Variants in DLEC1 observed in about 807,000 individuals in gnomAD.
The protein encoded by DLEC1 is DLEC1 cilia and flagella associated protein.
DLEC1 carries 146 observed loss-of-function variants against 198.1 expected under a neutral mutation model. That is an observed-to-expected ratio of 0.74 (90% CI 0.64 to 0.85). The LOEUF (loss-of-function observed/expected upper bound fraction) is 0.85. Ranked by LOEUF, DLEC1 falls within the 40% of genes least tolerant of loss-of-function variation. DLEC1 has a pLI of 0.00. For synonymous variants in DLEC1, 897 were observed against 866.8 expected (o/e 1.03, Z -0.61); for missense variants, 2,233 against 2,220.0 (o/e 1.01, Z -0.12).
intron 2 of DLEC1, among the ~76,000 whole-genome samples, chr3:38,047,980 C>T (rs1480892770): frequency 1.3e-5 from 2 of 152,162 alleles, no homozygotes; most frequent in African/African-American, 2.4e-5. Flanking sequence ...GTTGGTTCCC[C>T]TAACATCTGC....
chr3:38,098,178 G>A (rs11919963), intron 18 of DLEC1, among the ~76,000 whole-genome samples: 8,290 of 152,150 alleles, frequency 0.054, 284 homozygotes, highest in Middle Eastern at 0.12. Flanking sequence ...CCTCAGAGCC[G>A]TCTGAGGCAG....
intron 6 of DLEC1, among the ~76,000 whole-genome samples, chr3:38,070,468 A>C (rs746729724): frequency 2.6e-5 from 4 of 152,198 alleles, no homozygotes; most frequent in Admixed American, 6.5e-5. Context: ...CATAAATAGT[A>C]ATTGTTATTT....
chr3:38,061,895 G>A (rs993136188), intron 3 of DLEC1, among the ~76,000 whole-genome samples: 7 of 152,184 alleles, frequency 4.6e-5, no homozygotes, highest in Non-Finnish European at 5.9e-5. Flanking sequence ...CAAGGCTGGT[G>A]TCAACTCCTG....
intron 11 of DLEC1, 62 bp downstream of exon 11, chr3:38,092,942 T>G (rs372245005): frequency 1.1e-5 from 17 of 1,504,908 alleles, no homozygotes; most frequent in Non-Finnish European, 1.5e-5. Context: ...CAGGGGCCAC[T>G]GACCACAGTA....
In DLEC1 at chr3:38,085,328, T is replaced by G; in HGVS notation, c.1316T>G (p.Ile439Ser). The change falls in exon 8 of 37, where the codon ATT becomes AGT. Residue 439 changes from isoleucine to serine, a missense_variant. Coordinates refer to ENST00000308059, the MANE Select transcript of DLEC1 (RefSeq NM_007335.4). ...GCTCCTGGAATGACCTGCCAGTACA[T>G]TGTCCAGTTTTTTCCCGACTGCCTT... ...MVAPGMTCQY[I>S]VQFFPDCLGD... The G allele has an allele frequency of 6.2e-7, 1 of 1,614,120 alleles. No individual in the cohort carries two copies. Among genetic ancestry groups the G allele is most frequent in the Non-Finnish European group, 8.5e-7 (1 of 1,180,010 alleles).
rs1699918593 is a variant in DLEC1, at chr3:38,112,166, A to C, written c.3515-44A>C. 6.2e-7 allele frequency: 1 copy of C among 1,612,376 alleles called. No individual in the cohort carries two copies. The highest frequency in any genetic ancestry group is 8.5e-7 in the Non-Finnish European group (1 of 1,179,048). On this transcript the variant is annotated intron_variant, in intron 24 of 36. Coordinates refer to ENST00000308059, the MANE Select transcript of DLEC1 (RefSeq NM_007335.4). The surrounding 1 kb of genome is among the most constrained non-coding windows in gnomAD (Gnocchi z 4.8). ...ACACGAGGGTTTGGACCTCACTCCC[A>C]ACCCCAGGCCCGTGAATCCCCCACA...
intron 2 of DLEC1, among the ~76,000 whole-genome samples, chr3:38,047,618 A>G (rs759494176): frequency 1.2e-4 from 18 of 152,162 alleles, no homozygotes; most frequent in Middle Eastern, 3.4e-3. Context: ...TCTTCCTTGT[A>G]TTTCCTATAA....
chr3:38,083,600 G>A (rs1467924952), intron 6 of DLEC1, among the ~76,000 whole-genome samples: 1 of 151,554 alleles, frequency 6.6e-6, no homozygotes, highest in African/African-American at 2.4e-5. Flanking sequence ...GTGGTGGAAT[G>A]TCATCAGTTA....
chr3:38,065,368 G>T (rs1446897789), intron 6 of DLEC1, among the ~76,000 whole-genome samples: 1 of 148,034 alleles, frequency 6.8e-6, no homozygotes, highest in Non-Finnish European at 1.5e-5. Context: ...ACTGTGCAGA[G>T]GGAGAGGGAG....
intron 6 of DLEC1, among the ~76,000 whole-genome samples, chr3:38,065,402 C>G (rs1055301415): frequency 7.3e-5 from 11 of 150,090 alleles, no homozygotes; most frequent in African/African-American, 2.5e-4. Context: ...AGAGGAAGAC[C>G]GTGCAGAGGG....
intron 2 of DLEC1, among the ~76,000 whole-genome samples, chr3:38,053,730 G>A (rs186918118): frequency 0.016 from 2,389 of 152,364 alleles, 64 homozygotes; most frequent in African/African-American, 0.054. Context: ...CCATGATGAC[G>A]ATGGCGGTTT....
At position 38,062,291 on chromosome 3, in the gene DLEC1, G is replaced by C; in HGVS notation, c.796G>C (p.Glu266Gln). 1 of 1,614,224 alleles carries C rather than the reference G, an allele frequency of 6.2e-7. No individual in the cohort carries two copies. The highest frequency in any genetic ancestry group is 8.5e-7 in the Non-Finnish European group (1 of 1,180,042). Residue 266 changes from glutamate to glutamine, a missense_variant, in exon 4 of 37, where the codon GAG becomes CAG. Physicochemically the swap from Glu to Gln is conservative, Grantham distance 29. Transcript: ENST00000308059. Reference sequence around the variant, plus strand: ...GAAGAAGCTTGCTGAGTTCGAAGATGAGTTAGACCACACTGTGGACAGCCT... The same window carrying C: ...GAAGAAGCTTGCTGAGTTCGAAGATCAGTTAGACCACACTGTGGACAGCCT... ...CRKKLAEFED[E>Q]LDHTVDSLTW...
At position 38,116,540 on chromosome 3, in the gene DLEC1, C is replaced by A. The variant is rs145839001; in HGVS notation, c.3944C>A (p.Pro1315Gln). 896 of 1,614,112 alleles carry A rather than the reference C, an allele frequency of 5.6e-4. 4 individuals carry two copies. In the African/African-American group the frequency reaches 0.011, roughly 19 times the overall value. Reference sequence around the variant, plus strand: ...CTGGTGTTTTATGGGCCACCTTTCCCGCTGCGGGACCAAGCCGGGAATGAG... The same window carrying A: ...CTGGTGTTTTATGGGCCACCTTTCCAGCTGCGGGACCAAGCCGGGAATGAG... ...ELLVFYGPPF[P>Q]LRDQAGNELV... The change falls in exon 28 of 37, where the codon CCG becomes CAG. Residue 1315 changes from proline (P) to glutamine (Q), a missense_variant. Transcript: ENST00000308059.
rs1427957940 is a variant in DLEC1 at position 38,085,355 on chromosome 3, G to A, written c.1343G>A (p.Gly448Glu). 9 of 1,614,024 alleles carry A rather than the reference G, an allele frequency of 5.6e-6. No homozygotes were observed. The Admixed American group carries it at 1.2e-4, about 21-fold the overall frequency. ...YIVQFFPDCL[G>E]DFDDFILVET... ...GTCCAGTTTTTTCCCGACTGCCTTG[G>A]GGATTTTGATGATTTTATTTTAGTG... The change falls in exon 8 of 37, where the codon GGG (glycine) becomes GAG (glutamate). Residue 448 changes from glycine to glutamate, a missense_variant. Coordinates refer to ENST00000308059, the MANE Select transcript of DLEC1 (RefSeq NM_007335.4).
At position 38,111,720 on chromosome 3, in the gene DLEC1, G is replaced by A. The variant is rs971847931; in HGVS notation, c.3487G>A (p.Glu1163Lys). The A allele has an allele frequency of 2.0e-5, 33 of 1,613,078 alleles. No homozygotes were observed. The highest frequency in any genetic ancestry group is 2.7e-5 in the Non-Finnish European group (32 of 1,179,844). Residue 1163 changes from glutamate to lysine, a missense_variant, in exon 24 of 37, where the codon GAG becomes AAG. By Grantham distance (56) the Glu-to-Lys change is moderately conservative. Coordinates refer to ENST00000308059, the MANE Select transcript of DLEC1 (RefSeq NM_007335.4). ...CCTGCTAAAGACAGTGCGGATGCAA[G>A]AGCACCTGGCCAAGCGAGAGCAGCT... ...PALLKTVRMQ[E>K]HLAKREQLDF...
rs1331012552 is a variant in DLEC1 at position 38,117,288 on chromosome 3, C to T, written c.4386C>T (p.Tyr1462=). 1.2e-5 allele frequency: 19 copies of T among 1,614,124 alleles called. No homozygotes were observed. The highest frequency in any genetic ancestry group is 1.6e-4 in the Middle Eastern group (1 of 6,062). Reference sequence around the variant, plus strand: ...CCCTGAAACTGGACCTGCATAGCTACGTGAGGCCTGCACAGTGAGTCAGCT... The same window carrying T: ...CCCTGAAACTGGACCTGCATAGCTATGTGAGGCCTGCACAGTGAGTCAGCT... ...VGPLKLDLHS[Y]VRPAQLSVEL... The change falls in exon 31 of 37, where the codon TAC becomes TAT. Residue 1462 remains tyrosine (Y), a synonymous_variant. Transcript: ENST00000308059.
intron 12 of DLEC1, among the ~76,000 whole-genome samples, chr3:38,094,630 A>C (rs556909747): frequency 6.6e-6 from 1 of 152,328 alleles, no homozygotes; most frequent in East Asian, 1.9e-4. Context: ...TGGTAGGTCC[A>C]ACCTCCAGCT....
At chr3:38,111,984 C>G (rs1699907182) in intron 24 of DLEC1, among the ~76,000 whole-genome samples, 1 of 152,196 alleles carries the variant, frequency 6.6e-6, no homozygotes, top group South Asian at 2.1e-4. Context: ...TGAGGGAGGG[C>G]TCCCATGGGG....
intron 2 of DLEC1, among the ~76,000 whole-genome samples, chr3:38,056,457 G>T (rs1224284127): frequency 6.6e-6 from 1 of 152,058 alleles, no homozygotes; most frequent in Admixed American, 6.6e-5. Context: ...TTACAGGCAT[G>T]TGCCACGAGG....
Sources: gnomAD v4.1 joint callset for allele counts (sites outside exome capture counted in the v4.1 genomes callset) on GRCh38, gnomAD v4.1.1 for gene constraint, Gnocchi (gnomAD v3.1) non-coding constraint, MANE v1.5 for transcripts, NCBI Gene and HGNC (gene_info 2026-07-23, HGNC 2026-07-21) for gene names.